SGCD: variants seen among roughly 807,000 people sequenced by gnomAD.
The protein encoded by SGCD is sarcoglycan delta, also known as delta-sarcoglycan.
A neutral mutation model predicts 36.6 loss-of-function variants in SGCD; 18 were observed. The ratio of observed to expected loss-of-function variants is 0.49; its 90% confidence interval spans 0.34 to 0.73. SGCD has a LOEUF of 0.73. Among genes scored for constraint, SGCD ranks in the 30% least tolerant of loss-of-function variants. SGCD has a pLI of 0.01. For missense variants in SGCD, 387 were observed against 346.7 expected (o/e 1.12, Z -0.92); for synonymous variants, 133 against 130.6 (o/e 1.02, Z -0.12).
Position 156,180,885 on chromosome 5 carries a change from G to C in SGCD, c.-44+56866G>C, listed in dbSNP as rs188557344. On this transcript the variant is annotated intron_variant, in intron 3 of 9. Transcript: ENST00000517913. Reference sequence around the variant, plus strand: ...ACAAGAGCAAAGGTAATCTCTTAGAGCTGCTCTCAGAATAAATTAAAAATT... The same window carrying C: ...ACAAGAGCAAAGGTAATCTCTTAGACCTGCTCTCAGAATAAATTAAAAATT... Among the ~76,000 whole-genome samples, 113 of 152,282 alleles carry C rather than the reference G, an allele frequency of 7.4e-4. 2 individuals are homozygous for C. The East Asian group carries it at 0.016, about 21-fold the overall frequency.
intron 3 of SGCD, among the ~76,000 whole-genome samples, chr5:156,286,995 A>G (rs567145072): frequency 3.9e-5 from 6 of 152,234 alleles, no homozygotes; most frequent in Non-Finnish European, 8.8e-5. Context: ...GCCGTTGTGA[A>G]TAAGAGAGAC....
chr5:156,600,305 C>T (rs1445710049), intron 6 of SGCD, among the ~76,000 whole-genome samples: 4 of 152,160 alleles, frequency 2.6e-5, no homozygotes, highest in African/African-American at 9.7e-5. Context: ...AACTCCCCAA[C>T]CTTCTCTCCT....
At chr5:155,876,748 T>C (rs1490296041) in intron 1 of SGCD, among the ~76,000 whole-genome samples, 2 of 152,136 alleles carry the variant, frequency 1.3e-5, no homozygotes, top group African/African-American at 4.8e-5. Flanking sequence ...TACTTGATTG[T>C]TAGCCAAGTG....
chr5:156,506,720 TAAA>T (rs1318075878), intron 3 of SGCD, among the ~76,000 whole-genome samples: 1 of 152,148 alleles, frequency 6.6e-6, no homozygotes, highest in Non-Finnish European at 1.5e-5. Flanking sequence ...TAGTCATAGT[TAAA>T]AAGTAAAAAC....
At chr5:155,809,106 TTTCTGAACTGTCCC>T in the SGCD span, among the ~76,000 whole-genome samples, 8 of 152,340 alleles carry the variant, frequency 5.3e-5, no homozygotes, top group Admixed American at 2.0e-4. Context: ...TTCAGAACTG[TTTCTGAACTGTCCC>T]TTCTGAACTG....
chr5:155,823,983 G>C, the SGCD span, among the ~76,000 whole-genome samples: 2 of 152,132 alleles, frequency 1.3e-5, no homozygotes, highest in East Asian at 3.9e-4. Flanking sequence ...AGCCTGTCTT[G>C]AGTCACCAGG....
chr5:156,553,981 C>T (rs1435734623), intron 4 of SGCD, among the ~76,000 whole-genome samples: 1 of 152,082 alleles, frequency 6.6e-6, no homozygotes, highest in African/African-American at 2.4e-5. Context: ...CAGTCGTCCC[C>T]CTTAATCCGT....
At chr5:156,752,641 G>T (rs1022847391) in intron 7 of SGCD, among the ~76,000 whole-genome samples, 1 of 152,114 alleles carries the variant, frequency 6.6e-6, no homozygotes, top group Non-Finnish European at 1.5e-5. Context: ...TGATCCACCC[G>T]CCTTGGCCTC....
At chr5:156,003,215 A>G (rs1758696492) in intron 1 of SGCD, among the ~76,000 whole-genome samples, 1 of 152,186 alleles carries the variant, frequency 6.6e-6, no homozygotes, top group South Asian at 2.1e-4. Context: ...TCTTTGCACA[A>G]TTAGTTGTTT....
the SGCD span, among the ~76,000 whole-genome samples, chr5:155,796,102 A>G: frequency 6.6e-6 from 1 of 152,302 alleles, no homozygotes; most frequent in East Asian, 1.9e-4. Flanking sequence ...CAGTAACTTG[A>G]CCTGATTAAC....
intron 1 of SGCD, among the ~76,000 whole-genome samples, chr5:156,055,087 G>C (rs1760026204): frequency 6.8e-6 from 1 of 146,368 alleles, no homozygotes; most frequent in Non-Finnish European, 1.5e-5. Flanking sequence ...CCTTCAGGTA[G>C]TATGTGAGAG....
At chr5:156,223,647 A>C (rs1478784537) in intron 3 of SGCD, among the ~76,000 whole-genome samples, 2 of 152,040 alleles carry the variant, frequency 1.3e-5, no homozygotes, top group Non-Finnish European at 2.9e-5. Flanking sequence ...TGAGGGCCAG[A>C]ATGCTGTGTT....
intron 1 of SGCD, among the ~76,000 whole-genome samples, chr5:156,090,157 A>G (rs39947): frequency 6.6e-6 from 1 of 151,930 alleles, no homozygotes; most frequent in Non-Finnish European, 1.5e-5. Context: ...GTAGGCACAG[A>G]AACTGCTCCT....
chr5:155,835,810 C>T, the SGCD span, among the ~76,000 whole-genome samples: 1 of 152,080 alleles, frequency 6.6e-6, no homozygotes, highest in East Asian at 1.9e-4. Context: ...TGGAACATTC[C>T]AGGAGTAAAC....
the SGCD span, among the ~76,000 whole-genome samples, chr5:155,738,822 AGT>A: frequency 1.1e-4 from 16 of 140,954 alleles, no homozygotes; most frequent in East Asian, 2.1e-4. Context: ...AGTGTGTGAG[AGT>A]GTGTGTGAGA....
At chr5:156,376,624 G>A (rs186333830) in intron 3 of SGCD, among the ~76,000 whole-genome samples, 13 of 152,258 alleles carry the variant, frequency 8.5e-5, no homozygotes, top group African/African-American at 2.9e-4. Context: ...GGTGATCAGA[G>A]TAGAATAAAA....
At chr5:156,629,474 C>T (rs1175565454) in intron 6 of SGCD, among the ~76,000 whole-genome samples, 1 of 152,206 alleles carries the variant, frequency 6.6e-6, no homozygotes. Context: ...AAGTACTTTT[C>T]TGCAATTAGA....
At chr5:156,211,383 G>A (rs941974263) in intron 3 of SGCD, among the ~76,000 whole-genome samples, 1 of 151,982 alleles carries the variant, frequency 6.6e-6, no homozygotes, top group African/African-American at 2.4e-5. Context: ...CGAGGGGGGC[G>A]GATCACGTGG....
At chr5:155,801,773 GGA>G in the SGCD span, among the ~76,000 whole-genome samples, 1 of 152,190 alleles carries the variant, frequency 6.6e-6, no homozygotes, top group Non-Finnish European at 1.5e-5. Context: ...TTGGAATTGA[GGA>G]GAAAGAATTC....
Sources: allele counts gnomAD v4.1 joint callset (sites outside exome capture counted in the v4.1 genomes callset), GRCh38; gene constraint gnomAD v4.1.1; transcripts MANE v1.5; gene names NCBI Gene and HGNC (gene_info 2026-07-23, HGNC 2026-07-21).